Variants in AMMECR1 observed in about 807,000 individuals in gnomAD.
AMMECR1 encodes the protein nuclear protein AMMECR1.
AMMECR1 carries 3 observed loss-of-function variants against 22.5 expected under a neutral mutation model. That is an observed-to-expected ratio of 0.13 (90% CI 0.06 to 0.35). The LOEUF (loss-of-function observed/expected upper bound fraction) is 0.35, where lower values mean the gene tolerates loss of function less well. Among genes scored for constraint, AMMECR1 ranks in the 10% least tolerant of loss-of-function variants. The pLI is 1.00. For synonymous variants in AMMECR1, 130 were observed against 116.7 expected (o/e 1.11, Z -0.74); for missense variants, 235 against 278.7 (o/e 0.84, Z 1.12).
chrX:110,237,042 C>T (rs1367094001), intron 2 of AMMECR1, among the ~76,000 whole-genome samples: 2 of 111,309 alleles, frequency 1.8e-5, no homozygotes, highest in Non-Finnish European at 3.8e-5. Flanking sequence ...AACTCTGCAT[C>T]CTGAAGGAGC....
chrX:110,425,980 GCA>G (rs72103134), intron 2 of AMMECR1, among the ~76,000 whole-genome samples: 4,140 of 109,158 alleles, frequency 0.038, 203 homozygotes, highest in African/African-American at 0.13. Context: ...GTGCGTGCGC[GCA>G]CACACACACA....
chrX:110,293,141 C>A (rs2067917728), intron 1 of AMMECR1, among the ~76,000 whole-genome samples: 1 of 112,272 alleles, frequency 8.9e-6, no homozygotes, highest in African/African-American at 3.2e-5. Flanking sequence ...GTAGTATATG[C>A]ATAGACTGTC....
chrX:110,201,820 A>G (rs749695336), intron 4 of AMMECR1, among the ~76,000 whole-genome samples: 34 of 112,185 alleles, frequency 3.0e-4, no homozygotes, highest in Admixed American at 1.7e-3. Flanking sequence ...CCAACATGAA[A>G]CCAGAATTTA....
At chrX:110,209,605 A>G (rs1486626390) in intron 3 of AMMECR1, among the ~76,000 whole-genome samples, 1 of 112,088 alleles carries the variant, frequency 8.9e-6, no homozygotes, top group Non-Finnish European at 1.9e-5. Context: ...TTTGAAAGTT[A>G]GGGACCTCTT....
chrX:110,422,865 T>G (rs1264060456), intron 2 of AMMECR1, among the ~76,000 whole-genome samples: 2 of 112,178 alleles, frequency 1.8e-5, no homozygotes, highest in African/African-American at 6.5e-5. Flanking sequence ...ATCCAAACAT[T>G]AAAAAAGAGA....
intron 2 of AMMECR1, among the ~76,000 whole-genome samples, chrX:110,222,736 C>A (rs1466550443): frequency 9.2e-6 from 1 of 109,030 alleles, no homozygotes; most frequent in African/African-American, 3.4e-5. Flanking sequence ...AAGGGGGACA[C>A]TTAGAAAGGG....
chrX:110,421,430 G>A (rs1345648346), intron 2 of AMMECR1, among the ~76,000 whole-genome samples: 1 of 112,762 alleles, frequency 8.9e-6, no homozygotes, highest in Non-Finnish European at 1.9e-5. Context: ...GGAAGACTAT[G>A]TAGATAAGTC....
intron 2 of AMMECR1, among the ~76,000 whole-genome samples, chrX:110,230,018 G>A (rs911245301): frequency 1.8e-5 from 2 of 112,974 alleles, no homozygotes; most frequent in African/African-American, 3.2e-5. Flanking sequence ...CGAACTGGGC[G>A]GAGCCCACCT....
intron 2 of AMMECR1, among the ~76,000 whole-genome samples, chrX:110,391,070 T>C (rs2068490833): frequency 8.9e-6 from 1 of 111,964 alleles, no homozygotes; most frequent in Admixed American, 9.5e-5. Flanking sequence ...CTTCCTTCCA[T>C]GACTTTGGGT....
At chrX:110,246,573 C>T (rs1048277027) in intron 2 of AMMECR1, among the ~76,000 whole-genome samples, 4 of 112,004 alleles carry the variant, frequency 3.6e-5, no homozygotes, top group South Asian at 3.7e-4. Flanking sequence ...TCCCTCATAG[C>T]TACTTAGGGG....
At position 110,375,085 on chromosome X, in the gene AMMECR1, C is replaced by T. The variant is rs2068367239; in HGVS notation, c.-148+51573G>A. ...ATAGGTTATATAGCAAGTAGGCAAG[C>T]TTAGCAAACAGCTCAGGGACACTAG... is the stretch of plus-strand genomic sequence containing the variant. On this transcript the variant is annotated intron_variant, in intron 2 of 7. Transcript: ENST00000372057. 2.7e-5 allele frequency among the ~76,000 whole-genome samples: 3 copies of T among 111,591 alleles called. No individual in the cohort carries two copies. In the South Asian group the frequency reaches 1.1e-3, roughly 42 times the overall value.
chrX:110,386,975 T>C (rs1211690701), intron 2 of AMMECR1, among the ~76,000 whole-genome samples: 1 of 112,353 alleles, frequency 8.9e-6, no homozygotes, highest in Non-Finnish European at 1.9e-5. Flanking sequence ...ATATGATTAA[T>C]TTCCAAATGA....
chrX:110,244,040 A>C (rs2067646332), intron 2 of AMMECR1, among the ~76,000 whole-genome samples: 1 of 111,677 alleles, frequency 9.0e-6, no homozygotes, highest in Admixed American at 9.5e-5. Flanking sequence ...GTTGCCTATC[A>C]CCTTTCATCT....
intron 2 of AMMECR1, among the ~76,000 whole-genome samples, chrX:110,388,768 C>T (rs1343822395): frequency 9.0e-6 from 1 of 111,605 alleles, no homozygotes; most frequent in East Asian, 2.8e-4. Context: ...GGTCCAGGGA[C>T]CACACTTTAA....
chrX:110,291,687 C>T (rs1434646851), intron 1 of AMMECR1, among the ~76,000 whole-genome samples: 1 of 111,516 alleles, frequency 9.0e-6, no homozygotes, highest in Non-Finnish European at 1.9e-5. Flanking sequence ...AATGACAGTC[C>T]ATTATCCTGC....
chrX:110,429,629 C>A (rs899667643), intron 1 of AMMECR1, among the ~76,000 whole-genome samples: 2 of 109,851 alleles, frequency 1.8e-5, no homozygotes, highest in African/African-American at 6.7e-5. Flanking sequence ...ATTACGGGCC[C>A]ATGCCACCAT....
intron 1 of AMMECR1, among the ~76,000 whole-genome samples, chrX:110,268,981 C>T (rs193231679): frequency 1.8e-5 from 2 of 111,833 alleles, no homozygotes; most frequent in East Asian, 5.6e-4. Flanking sequence ...CTGAAGGCAA[C>T]CAGACAAAGC....
intron 2 of AMMECR1, among the ~76,000 whole-genome samples, chrX:110,234,915 C>T (rs1485811984): frequency 1.8e-5 from 2 of 112,110 alleles, no homozygotes; most frequent in African/African-American, 3.2e-5. Context: ...AGGACATAGG[C>T]ATGGGCAAGG....
At chrX:110,318,692 C>A (rs1472094761), upstream of AMMECR1, among the ~76,000 whole-genome samples, 1 of 111,195 alleles carries the variant, frequency 9.0e-6, no homozygotes, top group Non-Finnish European at 1.9e-5. Flanking sequence ...CCTGAGACCG[C>A]CCCTGTAAAG....
Sources: allele counts gnomAD v4.1 joint callset (sites outside exome capture counted in the v4.1 genomes callset), GRCh38; gene constraint gnomAD v4.1.1; transcripts MANE v1.5; gene names NCBI Gene and HGNC (gene_info 2026-07-23, HGNC 2026-07-21).